ZNF385C: variants seen among roughly 807,000 people sequenced by gnomAD.
ZNF385C encodes the protein zinc finger protein 385C, also known as CTD-2132N18.2.
A neutral mutation model predicts 35.4 loss-of-function variants in ZNF385C; 28 were observed. The ratio of observed to expected loss-of-function variants is 0.79; its 90% CI spans 0.59 to 1.08. ZNF385C has a LOEUF of 1.08. ZNF385C is among the 50% of genes least tolerant of loss of function. The pLI is 0.00. For synonymous variants in ZNF385C, 248 were observed against 248.2 expected, an observed-to-expected ratio of 1.00 and a Z score of 0.01; for missense variants, 605 against 595.6, an observed-to-expected ratio of 1.02 and a Z score of -0.16.
At chr17:42,060,451 C>T (rs1177937360) in intron 2 of ZNF385C, among the ~76,000 whole-genome samples, 2 of 152,168 alleles carry the variant, frequency 1.3e-5, no homozygotes, top group Non-Finnish European at 2.9e-5. Flanking sequence ...CTCTCCACAC[C>T]CTGCACACTC....
chr17:42,039,566 A>T, intron 2 of ZNF385C: 1 of 779,968 alleles, frequency 1.3e-6, no homozygotes, highest in Non-Finnish European at 1.7e-6. Context: ...GGGAAGCTCC[A>T]GAAGGGCGGG....
intron 1 of ZNF385C, among the ~76,000 whole-genome samples, chr17:42,073,524 C>T (rs1198960485): frequency 1.3e-5 from 2 of 152,014 alleles, no homozygotes; most frequent in African/African-American, 4.8e-5. Flanking sequence ...TGCTCCTAGG[C>T]ACTGTCTCTG....
intron 3 of ZNF385C, among the ~76,000 whole-genome samples, chr17:42,034,908 C>T (rs1313150083): frequency 2.0e-5 from 3 of 151,706 alleles, no homozygotes; most frequent in Non-Finnish European, 4.4e-5. Context: ...GGGTGAATCA[C>T]CTGAGGTCAG....
At chr17:42,061,102 C>G (rs1433009955) in intron 2 of ZNF385C, 1 of 151,628 alleles carries the variant, frequency 6.6e-6, no homozygotes, top group Non-Finnish European at 1.5e-5. Flanking sequence ...ATTTAGATAG[C>G]TTTTTCCTGA....
chr17:42,030,181 G>C (rs1555654860), intron 5 of ZNF385C, among the ~76,000 whole-genome samples: 1 of 151,994 alleles, frequency 6.6e-6, no homozygotes, highest in Non-Finnish European at 1.5e-5. Context: ...ATGAATGTTT[G>C]TGAGAGATGA....
At chr17:42,056,537 G>T (rs2053379161) in intron 2 of ZNF385C, among the ~76,000 whole-genome samples, 1 of 152,192 alleles carries the variant, frequency 6.6e-6, no homozygotes, top group Non-Finnish European at 1.5e-5. Context: ...TGAGGTGGGA[G>T]GATTGCTTGG....
Position 42,034,245 on chromosome 17 carries a change from G to A in ZNF385C, c.490C>T (p.His164Tyr), listed in dbSNP as rs782294436. The change falls in exon 4 of 9, where the codon CAC (histidine) becomes TAC (tyrosine). Residue 164 changes from histidine to tyrosine, a missense_variant. Physicochemically the swap from His to Tyr is moderately conservative, Grantham distance 83. Coordinates refer to ENST00000692273, the MANE Select transcript of ZNF385C (RefSeq NM_001392013.1). Reference protein sequence around the residue: ...KKLFISCNICHLRFNSANQAE... With the variant: ...KKLFISCNICYLRFNSANQAE... ...CTCACCGCTGAGTTGAACCTCAGGT[G>A]ACAGATGTTACAGGAAATGAACAGC... 1.3e-6 allele frequency: 2 copies of A among 1,550,590 alleles called. No homozygotes were observed. Among genetic ancestry groups the A allele is most frequent in the South Asian group, 1.2e-5 (1 of 84,064 alleles).
chr17:42,032,046 T>G (rs1297291502), intron 4 of ZNF385C, among the ~76,000 whole-genome samples: 1 of 152,018 alleles, frequency 6.6e-6, no homozygotes, highest in Non-Finnish European at 1.5e-5. Flanking sequence ...ATCTTTTTGT[T>G]GTTGTTGTTG....
intron 1 of ZNF385C, among the ~76,000 whole-genome samples, chr17:42,096,013 A>T (rs2053913306): frequency 1.3e-5 from 2 of 152,214 alleles, no homozygotes; most frequent in Non-Finnish European, 2.9e-5. Flanking sequence ...GACCAGATAC[A>T]AATTTGGATT....
chr17:42,090,165 AC>A (rs35490285), intron 1 of ZNF385C, among the ~76,000 whole-genome samples: 2,351 of 145,326 alleles, frequency 0.016, 41 homozygotes, highest in African/African-American at 0.036. Flanking sequence ...TTTCCTTCTG[AC>A]CCCTCCCTCC....
At chr17:42,098,119 T>C (rs1248970632) in intron 1 of ZNF385C, among the ~76,000 whole-genome samples, 2 of 152,280 alleles carry the variant, frequency 1.3e-5, no homozygotes, top group South Asian at 2.1e-4. Context: ...ATCCCCAACC[T>C]GCCCCACTCC....
intron 2 of ZNF385C, among the ~76,000 whole-genome samples, chr17:42,057,177 CA>C (rs1334921537): frequency 2.6e-5 from 4 of 152,028 alleles, no homozygotes; most frequent in African/African-American, 9.7e-5. Context: ...ACCTAGGACC[CA>C]AACCCAACTG....
chr17:42,093,429 G>A (rs2053883435), intron 1 of ZNF385C, among the ~76,000 whole-genome samples: 1 of 152,122 alleles, frequency 6.6e-6, no homozygotes, highest in South Asian at 2.1e-4. Context: ...TGATGACTCT[G>A]GACCCCCAGC....
rs543119521 is a variant in ZNF385C at position 42,069,908 on chromosome 17, G to T, written c.-2-6850C>A. 5.9e-5 allele frequency among the ~76,000 whole-genome samples: 9 copies of T among 152,274 alleles called. No individual in the cohort carries two copies. In the East Asian group the frequency reaches 1.5e-3, roughly 26 times the overall value. ...AGATACAAAAATTAGCCAACATGGTGGTGAGTGCCTGTAATCCCAACTACT... is the reference window on the plus strand; with the variant it reads ...AGATACAAAAATTAGCCAACATGGTTGTGAGTGCCTGTAATCCCAACTACT... On this transcript the variant is annotated intron_variant, in intron 1 of 8. Transcript: ENST00000692273.
intron 1 of ZNF385C, among the ~76,000 whole-genome samples, chr17:42,088,152 A>T (rs1252503677): frequency 4.6e-5 from 7 of 152,252 alleles, no homozygotes; most frequent in African/African-American, 1.7e-4. Context: ...TGTTTGCTAA[A>T]TAACACAAGT....
chr17:42,041,048 C>T (rs1567986881), intron 2 of ZNF385C: 1 of 1,232,196 alleles, frequency 8.1e-7, no homozygotes, highest in Non-Finnish European at 1.0e-6. Flanking sequence ...GGCTGGCCAT[C>T]ACAGGGGGAC....
intron 2 of ZNF385C, chr17:42,043,081 T>G: frequency 8.1e-7 from 1 of 1,232,162 alleles, no homozygotes. Context: ...AGCCTGGCCC[T>G]CAAAAGGGGG....
intron 1 of ZNF385C, among the ~76,000 whole-genome samples, chr17:42,078,287 G>A (rs1050258818): frequency 2.6e-5 from 4 of 151,996 alleles, no homozygotes; most frequent in Non-Finnish European, 5.9e-5. Flanking sequence ...CTAACCAGTC[G>A]CACTTTTTAG....
chr17:42,087,000 T>C (rs565293140), intron 1 of ZNF385C, among the ~76,000 whole-genome samples: 8 of 151,910 alleles, frequency 5.3e-5, no homozygotes, highest in African/African-American at 1.7e-4. Flanking sequence ...TTTTGTACTT[T>C]TAGTAGAGAC....
Sources: gnomAD v4.1 joint callset for allele counts (sites outside exome capture counted in the v4.1 genomes callset) on GRCh38, gnomAD v4.1.1 for gene constraint, MANE v1.5 for transcripts, NCBI Gene and HGNC (gene_info 2026-07-23, HGNC 2026-07-21) for gene names.